Variants in PTBP3 observed in about 807,000 individuals in gnomAD.
PTBP3 encodes polypyrimidine tract binding protein 3.
In PTBP3, 20 loss-of-function variants were observed where a neutral mutation model predicts 58.7. The observed-to-expected ratio is 0.34, with a 90% CI of 0.24 to 0.50. The LOEUF is 0.50. PTBP3 is among the 20% of genes least tolerant of loss of function. PTBP3 has a pLI of 0.98. For synonymous variants in PTBP3, 185 were observed against 219.8 expected (o/e 0.84, Z 1.40); for missense variants, 509 against 637.2 (o/e 0.80, Z 2.17).
chr9:112,375,020 C>T, the PTBP3 span, among the ~76,000 whole-genome samples: 1 of 152,168 alleles, frequency 6.6e-6, no homozygotes, highest in African/African-American at 2.4e-5. Context: ...CCCTGTTGCC[C>T]ATGAATAACC....
intron 3 of PTBP3, among the ~76,000 whole-genome samples, chr9:112,272,172 C>T (rs2132181267): frequency 1.3e-5 from 2 of 152,226 alleles, no homozygotes; most frequent in East Asian, 3.9e-4. Flanking sequence ...AAGCAATCCT[C>T]CCATCTCAGC....
In PTBP3 at chr9:112,228,372, A is replaced by C; in HGVS notation, c.1147+8T>G. The C allele has an allele frequency of 6.4e-7, 1 of 1,572,564 alleles. No individual in the cohort carries two copies. Among genetic ancestry groups the C allele is most frequent in the Non-Finnish European group, 8.6e-7 (1 of 1,159,658 alleles). ...ACATTATTATTAATAATTATTAATC[A>C]TTAGTACCTAGCTGAGCTTGATTTG... On this transcript the variant is annotated splice_region_variant and intron_variant, in intron 11 of 13. Transcript: ENST00000374257.
intron 1 of PTBP3, among the ~76,000 whole-genome samples, chr9:112,324,847 G>T (rs1056107): frequency 0.49 from 74,051 of 151,804 alleles, 18,449 homozygotes; most frequent in African/African-American, 0.58. Flanking sequence ...CCAGCGTGTT[G>T]TCAGTTTGGC....
intron 1 of PTBP3, among the ~76,000 whole-genome samples, chr9:112,298,252 T>C (rs1176215611): frequency 6.6e-6 from 1 of 152,256 alleles, no homozygotes; most frequent in Non-Finnish European, 1.5e-5. Flanking sequence ...TATATTTGTA[T>C]GCAAATAGTT....
At chr9:112,250,075 G>A (rs983739700) in intron 7 of PTBP3, among the ~76,000 whole-genome samples, 4 of 151,786 alleles carry the variant, frequency 2.6e-5, no homozygotes, top group African/African-American at 9.7e-5. Context: ...TTTTCAGAAG[G>A]GTTTGGACAA....
chr9:112,306,337 G>GT (rs1829208323), intron 1 of PTBP3, among the ~76,000 whole-genome samples: 1 of 150,890 alleles, frequency 6.6e-6, no homozygotes, highest in Non-Finnish European at 1.5e-5. Context: ...GCTAATTTTT[G>GT]TATTATTTTG....
At chr9:112,377,179 G>C in the PTBP3 span, among the ~76,000 whole-genome samples, 1 of 152,162 alleles carries the variant, frequency 6.6e-6, no homozygotes, top group East Asian at 1.9e-4. Context: ...AGACCAACCT[G>C]GGCAACATAG....
At chr9:112,244,997 AG>A (rs1376835754) in intron 7 of PTBP3, among the ~76,000 whole-genome samples, 1 of 152,214 alleles carries the variant, frequency 6.6e-6, no homozygotes, top group African/African-American at 2.4e-5. Context: ...AGCAATGCCC[AG>A]AAAAACAAGT....
At chr9:112,306,606 TTTTGTTTG>T (rs145654803) in intron 1 of PTBP3, among the ~76,000 whole-genome samples, 75 of 144,658 alleles carry the variant, frequency 5.2e-4, no homozygotes, top group East Asian at 1.0e-3. Context: ...ATATATATAT[TTTTGTTTG>T]TTTGTTTGTT....
intron 2 of PTBP3, among the ~76,000 whole-genome samples, chr9:112,293,609 G>A (rs1008152766): frequency 2.0e-5 from 3 of 152,128 alleles, no homozygotes; most frequent in South Asian, 2.1e-4. Context: ...TCAATGTGAC[G>A]AAGTTCTAGC....
chr9:112,253,538 TA>T lies in PTBP3; in HGVS notation c.517-751del, dbSNP rs772205759. Among the ~76,000 whole-genome samples the T allele has an allele frequency of 7.9e-5, 12 of 152,228 alleles. No individual in the cohort carries two copies. In the South Asian group the frequency reaches 1.0e-3, roughly 13 times the overall value. ...AGTAACTCATTTCTGAAGGACTAAA[TA>T]GGGGGGATAAAACAACAACATATTT... On this transcript the variant is annotated intron_variant, in intron 5 of 13. Coordinates refer to ENST00000374257, the MANE Select transcript of PTBP3 (RefSeq NM_001163788.4).
chr9:112,221,621 A>G lies in PTBP3; in HGVS notation c.*2230T>C. The G allele has an allele frequency of 1.0e-6, 1 of 985,412 alleles. No homozygotes were observed. Among genetic ancestry groups the G allele is most frequent in the Non-Finnish European group, 1.2e-6 (1 of 829,882 alleles). The allele number at this position is 985,412 out of a possible 1,614,324, so 61.0% of individuals were successfully genotyped here. A position where few individuals can be genotyped will look rare whatever the true frequency, so the allele number is the denominator to read the frequency against. On this transcript the variant is annotated 3_prime_UTR_variant, in exon 14 of 14. Transcript: ENST00000374257. Reference sequence around the variant, plus strand: ...TTCATATACCCCTTGTGTCTAGGTCAAAACTTATTTCATAAGTAAAAAAAC... The same window carrying G: ...TTCATATACCCCTTGTGTCTAGGTCGAAACTTATTTCATAAGTAAAAAAAC...
the PTBP3 span, among the ~76,000 whole-genome samples, chr9:112,353,128 T>C: frequency 2.0e-5 from 3 of 152,162 alleles, no homozygotes; most frequent in African/African-American, 7.2e-5. Flanking sequence ...CTCAAACTCC[T>C]GACCTCGAGT....
chr9:112,378,947 A>G, the PTBP3 span, among the ~76,000 whole-genome samples: 19 of 152,182 alleles, frequency 1.2e-4, no homozygotes, highest in Non-Finnish European at 7.3e-5. Flanking sequence ...AGCACTTTGG[A>G]AGGCCGAGGC....
the PTBP3 span, among the ~76,000 whole-genome samples, chr9:112,379,440 G>A: frequency 0.95 from 144,251 of 152,322 alleles, 68,412 homozygotes; most frequent in African/African-American, 0.99. Flanking sequence ...TCCAGAAGTA[G>A]AAACTTCTGC....
chr9:112,297,713 A>AT (rs1828749833), intron 2 of PTBP3, 119 bp downstream of exon 2: 1 of 778,676 alleles, frequency 1.3e-6, no homozygotes, highest in African/African-American at 1.8e-5. Context: ...ACCGAAACAA[A>AT]TTTTAGCTTT....
At chr9:112,333,421 A>G in intron 1 of PTBP3, 49 bp downstream of exon 1, 4 of 1,558,774 alleles carry the variant, frequency 2.6e-6, no homozygotes, top group Non-Finnish European at 3.5e-6. Flanking sequence ...GCCGGGTGGA[A>G]GCGGCGCCAA....
chr9:112,356,592 AATGGTG>A, the PTBP3 span, among the ~76,000 whole-genome samples: 1 of 151,182 alleles, frequency 6.6e-6, no homozygotes, highest in African/African-American at 2.4e-5. Flanking sequence ...AAAAAAAAAA[AATGGTG>A]AAATACAGCT....
rs777566726 is a variant in PTBP3 at position 112,262,460 on chromosome 9, G to A, written c.491C>T (p.Pro164Leu). ...LRIIIENLFYPVTLEVLHQIF... is the reference protein window; with the variant it reads ...LRIIIENLFYLVTLEVLHQIF... ...CTGATGAAGAACTTCCAGGGTAACA[G>A]GGTAAAAGAGGTTTTCAATAATTAT... is the stretch of plus-strand genomic sequence containing the variant. Residue 164 changes from proline (P) to leucine (L), a missense_variant, in exon 5 of 14, where the codon CCT becomes CTT. Coordinates refer to ENST00000374257, the MANE Select transcript of PTBP3 (RefSeq NM_001163788.4). 1 of 1,608,828 alleles carries A rather than the reference G, an allele frequency of 6.2e-7. No homozygotes were observed. Among genetic ancestry groups the A allele is most frequent in the Non-Finnish European group, 8.5e-7 (1 of 1,178,258 alleles).
Sources: allele counts gnomAD v4.1 joint callset (sites outside exome capture counted in the v4.1 genomes callset), GRCh38; gene constraint gnomAD v4.1.1; transcripts MANE v1.5; gene names NCBI Gene and HGNC (gene_info 2026-07-23, HGNC 2026-07-21).